The following POT1 variants were observed in gnomAD, a reference collection of about 807,000 sequenced individuals.
The protein encoded by POT1 is protection of telomeres protein 1.
A neutral mutation model predicts 78.5 loss-of-function variants in POT1; 47 were observed. The ratio of observed to expected loss-of-function variants is 0.60; its 90% CI spans 0.47 to 0.76. The LOEUF (loss-of-function observed/expected upper bound fraction) is 0.76. Among genes scored for constraint, POT1 ranks in the 30% least tolerant of loss-of-function variants. POT1 has a pLI of 0.00. For synonymous variants in POT1, 259 were observed against 260.7 expected (o/e 0.99, Z 0.06); for missense variants, 646 against 749.9 (o/e 0.86, Z 1.62).
intron 6 of POT1, among the ~76,000 whole-genome samples, chr7:124,880,759 A>C (rs1012862370): frequency 6.6e-6 from 1 of 151,862 alleles, no homozygotes; most frequent in Non-Finnish European, 1.5e-5. Context: ...ATCTTTGTGC[A>C]AGTTAGAAAA....
intron 9 of POT1, 176 bp from the exon 10 acceptor site, chr7:124,853,314 T>C: frequency 1.8e-6 from 1 of 544,288 alleles, no homozygotes; most frequent in Middle Eastern, 4.8e-4. Flanking sequence ...GCATGGACAC[T>C]ACATCAAAAC....
intron 3 of POT1, among the ~76,000 whole-genome samples, chr7:124,915,037 G>A (rs994499455): frequency 4.6e-5 from 7 of 152,030 alleles, no homozygotes; most frequent in African/African-American, 7.3e-5. Flanking sequence ...ATTATTCACT[G>A]CATTTCCTCA....
chr7:124,898,150 A>C (rs1324485675), intron 4 of POT1, 111 bp downstream of exon 4: 1 of 152,030 alleles, frequency 6.6e-6, no homozygotes, highest in Non-Finnish European at 1.5e-5. Context: ...AATTAAAATA[A>C]TTTAGTCAGA....
At chr7:124,913,460 C>A (rs934576271) in intron 3 of POT1, among the ~76,000 whole-genome samples, 1 of 152,116 alleles carries the variant, frequency 6.6e-6, no homozygotes, top group Admixed American at 6.6e-5. Context: ...TCCTTTGATG[C>A]ATAAAATTTT....
chr7:124,900,880 CCA>C (rs1449516333), intron 3 of POT1: 7 of 354,624 alleles, frequency 2.0e-5, no homozygotes, highest in Admixed American at 1.7e-4. Flanking sequence ...GGTCCCATGC[CCA>C]CAGAGTTTTG....
At chr7:124,861,697 G>C (rs1185456677) in intron 8 of POT1, among the ~76,000 whole-genome samples, 1 of 152,154 alleles carries the variant, frequency 6.6e-6, no homozygotes, top group Non-Finnish European at 1.5e-5. Flanking sequence ...GTCCTGAATG[G>C]TATTGCCTAG....
intron 7 of POT1, among the ~76,000 whole-genome samples, chr7:124,865,727 A>G (rs1164430517): frequency 1.3e-5 from 2 of 151,252 alleles, no homozygotes; most frequent in African/African-American, 2.4e-5. Flanking sequence ...TATTATTTTG[A>G]GACGGATCTC....
At chr7:124,911,104 A>G (rs946942298) in intron 3 of POT1, among the ~76,000 whole-genome samples, 1 of 152,058 alleles carries the variant, frequency 6.6e-6, no homozygotes, top group African/African-American at 2.4e-5. Flanking sequence ...AGCTACCAAC[A>G]CTGAATTCTT....
chr7:124,855,130 C>T (rs1361732389), intron 9 of POT1, among the ~76,000 whole-genome samples: 1 of 145,370 alleles, frequency 6.9e-6, no homozygotes, highest in East Asian at 2.1e-4. Context: ...GAGAGGGGGG[C>T]TTTACCCTAT....
Position 124,824,029 on chromosome 7 carries a change from G to A in POT1, c.1838C>T (p.Thr613Ile). 1.2e-6 allele frequency: 2 copies of A among 1,609,182 alleles called. No homozygotes were observed. The highest frequency in any genetic ancestry group is 2.2e-5 in the South Asian group (2 of 90,544). The change falls in exon 19 of 19, where the codon ACA (threonine) becomes ATA (isoleucine). Residue 613 changes from threonine to isoleucine, a missense_variant. Thr to Ile is a moderately conservative substitution (Grantham distance 89, BLOSUM62 -1). Coordinates refer to ENST00000357628, the MANE Select transcript of POT1 (RefSeq NM_015450.3). ...GCAAATTTGATTATCTGTTCCATTTGTGACATTGTATGACTTGATGAAGCA... is the reference window on the plus strand; with the variant it reads ...GCAAATTTGATTATCTGTTCCATTTATGACATTGTATGACTTGATGAAGCA... ...LECFIKSYNV[T>I]NGTDNQICYQ...
intron 9 of POT1, among the ~76,000 whole-genome samples, chr7:124,854,244 C>CAT (rs1157977672): frequency 6.6e-6 from 1 of 151,910 alleles, no homozygotes; most frequent in Non-Finnish European, 1.5e-5. Flanking sequence ...TTATGTTTCA[C>CAT]ATATATGTTA....
intron 3 of POT1, among the ~76,000 whole-genome samples, chr7:124,911,045 T>C (rs745534904): frequency 2.0e-5 from 3 of 152,118 alleles, no homozygotes; most frequent in Non-Finnish European, 4.4e-5. Context: ...TTTGTATTCA[T>C]ATTTGCACCT....
At chr7:124,917,364 C>G (rs1797038924) in intron 2 of POT1, among the ~76,000 whole-genome samples, 1 of 152,106 alleles carries the variant, frequency 6.6e-6, no homozygotes, top group African/African-American at 2.4e-5. Context: ...TCAACCATCT[C>G]CGATCCTACA....
At chr7:124,923,737 T>C (rs917066667) in intron 2 of POT1, among the ~76,000 whole-genome samples, 6 of 151,182 alleles carry the variant, frequency 4.0e-5, no homozygotes, top group African/African-American at 1.5e-4. Context: ...ATTCAGAATG[T>C]GTAAAGTCAA....
intron 15 of POT1, among the ~76,000 whole-genome samples, chr7:124,831,612 T>C (rs1297335145): frequency 6.6e-6 from 1 of 152,182 alleles, no homozygotes; most frequent in Non-Finnish European, 1.5e-5. Context: ...CGTGACTTCA[T>C]TATGGTCTGT....
intron 9 of POT1, 89 bp downstream of exon 9, chr7:124,858,868 C>T: frequency 2.3e-6 from 2 of 861,248 alleles, no homozygotes; most frequent in Non-Finnish European, 3.5e-6. Context: ...ATCACCTATA[C>T]ATGTAACCAT....
At chr7:124,872,957 C>T (rs1368030539) in intron 6 of POT1, among the ~76,000 whole-genome samples, 1 of 152,128 alleles carries the variant, frequency 6.6e-6, no homozygotes. Context: ...TTTTCGCATA[C>T]CTGTCTGCCA....
intron 14 of POT1, among the ~76,000 whole-genome samples, chr7:124,839,819 A>G (rs988394559): frequency 3.9e-5 from 6 of 152,128 alleles, no homozygotes; most frequent in African/African-American, 1.4e-4. Context: ...TTAGTCAATC[A>G]AGAAACCTAT....
chr7:124,825,405 T>C (rs1274748106), intron 17 of POT1, 48 bp from the exon 18 acceptor site: 2 of 1,145,550 alleles, frequency 1.7e-6, no homozygotes, highest in Admixed American at 3.9e-5. Context: ...ATATTAATCC[T>C]TTTTAATGTT....
Sources: allele counts gnomAD v4.1 joint callset (sites outside exome capture counted in the v4.1 genomes callset), GRCh38; gene constraint gnomAD v4.1.1; transcripts MANE v1.5; gene names NCBI Gene and HGNC (gene_info 2026-07-23, HGNC 2026-07-21).